Variants in KIZ observed in about 807,000 individuals in gnomAD.
KIZ encodes kizuna centrosomal protein.
Under a neutral mutation model 79.6 loss-of-function variants are expected in KIZ, and 68 were observed. That is an observed-to-expected ratio of 0.85 (90% confidence interval 0.70 to 1.05). The LOEUF is 1.05. KIZ is among the 50% of genes least tolerant of loss of function. The probability of loss-of-function intolerance (pLI) is 0.00; values close to 1 mark genes in which losing one functional copy is unlikely to be tolerated. For missense variants in KIZ, 797 were observed against 800.4 expected, an observed-to-expected ratio of 1.00 and a Z score of 0.05; for synonymous variants, 280 against 281.8, an observed-to-expected ratio of 0.99 and a Z score of 0.06.
chr20:21,141,823 A>ACACACT (rs1403117528), intron 3 of KIZ, among the ~76,000 whole-genome samples: 1 of 104,060 alleles, frequency 9.6e-6, no homozygotes, highest in East Asian at 3.7e-4. Context: ...ACACACACAC[A>ACACACT]CTCTCTCTCT....
chr20:21,126,070 G>C (rs1365049138), upstream of KIZ: 3 of 1,411,988 alleles, frequency 2.1e-6, no homozygotes, highest in African/African-American at 3.1e-5. Context: ...AACCCCGGCC[G>C]AACGGCCACC....
intron 9 of KIZ, among the ~76,000 whole-genome samples, chr20:21,227,458 A>G (rs2036694018): frequency 6.6e-6 from 1 of 152,146 alleles, no homozygotes; most frequent in African/African-American, 2.4e-5. Context: ...AATTGAATGT[A>G]GAAATAACGT....
chr20:21,184,058 G>C (rs2034771320), intron 6 of KIZ, among the ~76,000 whole-genome samples: 2 of 152,144 alleles, frequency 1.3e-5, no homozygotes, highest in Admixed American at 6.5e-5. Context: ...TAGGATAGGG[G>C]AGTAGTGGTT....
intron 4 of KIZ, among the ~76,000 whole-genome samples, chr20:21,147,191 C>T (rs1192785924): frequency 6.6e-6 from 1 of 151,880 alleles, no homozygotes; most frequent in East Asian, 1.9e-4. Flanking sequence ...TGTGGAGTCT[C>T]CTTTTAGGAC....
intron 6 of KIZ, among the ~76,000 whole-genome samples, chr20:21,204,202 G>A (rs1013149296): frequency 5.7e-5 from 7 of 123,182 alleles, no homozygotes; most frequent in African/African-American, 1.5e-4. Flanking sequence ...TGCAAGCTCC[G>A]CCTCCCAGGT....
chr20:21,168,271 T>C (rs1277899112), intron 6 of KIZ, among the ~76,000 whole-genome samples: 1 of 152,218 alleles, frequency 6.6e-6, no homozygotes, highest in Admixed American at 6.5e-5. Flanking sequence ...TATGGCTGCA[T>C]AGTATTCCAT....
chr20:21,145,479 C>T (rs2032797547), intron 3 of KIZ, 86 bp from the exon 4 acceptor site: 1 of 469,708 alleles, frequency 2.1e-6, no homozygotes, highest in Non-Finnish European at 3.7e-6. Flanking sequence ...CTTCAATGCT[C>T]CCTGTATGTT....
At chr20:21,137,756 G>A (rs1007086796) in intron 3 of KIZ, among the ~76,000 whole-genome samples, 8 of 151,816 alleles carry the variant, frequency 5.3e-5, no homozygotes, top group Non-Finnish European at 8.8e-5. Context: ...CCATTATCAC[G>A]TCTAAGAAGA....
chr20:21,238,390 AGTGT>A (rs371646503), intron 11 of KIZ, among the ~76,000 whole-genome samples: 1 of 148,982 alleles, frequency 6.7e-6, no homozygotes, highest in Non-Finnish European at 1.5e-5. Context: ...TGTGTGAGAG[AGTGT>A]GTGTGTGTGT....
chr20:21,156,735 AC>A (rs1324562990), intron 4 of KIZ, among the ~76,000 whole-genome samples: 2 of 152,200 alleles, frequency 1.3e-5, no homozygotes, highest in African/African-American at 2.4e-5. Flanking sequence ...GGAAATGCTC[AC>A]TGAAGTGCTT....
chr20:21,141,943 A>C (rs1410115845), intron 3 of KIZ, among the ~76,000 whole-genome samples: 18 of 128,016 alleles, frequency 1.4e-4, no homozygotes, highest in South Asian at 1.0e-3. Context: ...TGCCATCCCC[A>C]TTTCTCCCTC....
At chr20:21,222,590 T>A (rs1466638994) in intron 9 of KIZ, among the ~76,000 whole-genome samples, 2 of 152,184 alleles carry the variant, frequency 1.3e-5, no homozygotes, top group East Asian at 1.9e-4. Flanking sequence ...ATCACAAACT[T>A]AAAACAACAG....
At chr20:21,177,468 C>T (rs1243150654) in intron 6 of KIZ, among the ~76,000 whole-genome samples, 1 of 152,030 alleles carries the variant, frequency 6.6e-6, no homozygotes, top group East Asian at 1.9e-4. Context: ...GAGTTCCTTA[C>T]ATGTTTGGGA....
intron 4 of KIZ, among the ~76,000 whole-genome samples, chr20:21,161,381 G>T (rs2033645591): frequency 6.6e-6 from 1 of 152,292 alleles, no homozygotes; most frequent in African/African-American, 2.4e-5. Context: ...CTCCAGGCTG[G>T]AGTGCAGTGG....
chr20:21,158,241 G>T (rs1396796152), intron 4 of KIZ, among the ~76,000 whole-genome samples: 50 of 152,154 alleles, frequency 3.3e-4, no homozygotes, highest in Admixed American at 3.1e-3. Context: ...ATATTGGTGA[G>T]TCAGAATGTT....
At chr20:21,215,848 A>G (rs1444911627) in intron 9 of KIZ, among the ~76,000 whole-genome samples, 200 bp downstream of exon 9, 2 of 152,212 alleles carry the variant, frequency 1.3e-5, no homozygotes, top group Admixed American at 6.5e-5. Context: ...CACCGTGTCT[A>G]TTGAATTCTT....
intron 6 of KIZ, among the ~76,000 whole-genome samples, chr20:21,183,884 G>T (rs962417768): frequency 6.6e-6 from 1 of 152,160 alleles, no homozygotes; most frequent in African/African-American, 2.4e-5. Flanking sequence ...GATCAACTCA[G>T]TTCTTAGGCC....
intron 3 of KIZ, among the ~76,000 whole-genome samples, chr20:21,143,043 G>T (rs2032656341): frequency 1.3e-5 from 2 of 152,032 alleles, no homozygotes; most frequent in South Asian, 4.1e-4. Context: ...TGCATTAGTT[G>T]AACAAATGAA....
chr20:21,229,092 A>G lies in KIZ; in HGVS notation c.1760A>G (p.Asp587Gly). The G allele has an allele frequency of 2.5e-6, 4 of 1,610,246 alleles. No individual in the cohort carries two copies. The highest frequency in any genetic ancestry group is 3.4e-6 in the Non-Finnish European group (4 of 1,177,248). ...NQTENRFQKT[D>G]ASVSHLSGLN... Reference sequence around the variant, plus strand: ...ACTGAAAACAGGTTTCAAAAGACAGATGCTTCTGTGTCACACTTGTCAGGT... The same window carrying G: ...ACTGAAAACAGGTTTCAAAAGACAGGTGCTTCTGTGTCACACTTGTCAGGT... The change falls in exon 10 of 13, where the codon GAT (aspartate) becomes GGT (glycine). Residue 587 changes from aspartate to glycine, a missense_variant. Transcript: ENST00000619189.
Sources: gnomAD v4.1 joint callset for allele counts (sites outside exome capture counted in the v4.1 genomes callset) on GRCh38, gnomAD v4.1.1 for gene constraint, MANE v1.5 for transcripts, NCBI Gene and HGNC (gene_info 2026-07-23, HGNC 2026-07-21) for gene names.